The following TBC1D1 variants were observed in gnomAD, a reference collection of about 807,000 sequenced individuals.
TBC1D1 encodes the protein TBC1 (tre-2/USP6, BUB2, cdc16) domain family, member 1.
In TBC1D1, 89 loss-of-function variants were observed where a neutral mutation model predicts 125.6. That is an observed-to-expected ratio of 0.71 (90% CI 0.60 to 0.85). The LOEUF is 0.85. Ranked by LOEUF, TBC1D1 falls within the 40% of genes least tolerant of loss-of-function variation. The pLI, the probability that TBC1D1 is intolerant of heterozygous loss-of-function variation, is 0.00. For missense variants in TBC1D1, 1,377 were observed against 1,469.2 expected (o/e 0.94, Z 1.03); for synonymous variants, 565 against 564.1 (o/e 1.00, Z -0.02).
chr4:37,927,347 T>G (rs909035633), intron 2 of TBC1D1, among the ~76,000 whole-genome samples: 8 of 152,216 alleles, frequency 5.3e-5, no homozygotes, highest in African/African-American at 1.9e-4. Context: ...GATTTTACAA[T>G]TCTATTTTTT....
intron 15 of TBC1D1, among the ~76,000 whole-genome samples, chr4:38,104,841 C>G (rs60552409): frequency 6.6e-6 from 1 of 151,726 alleles, no homozygotes; most frequent in Non-Finnish European, 1.5e-5. Flanking sequence ...CTGCAAGCTC[C>G]GTCTCCTGGG....
At chr4:37,922,321 G>A (rs1721179430) in intron 2 of TBC1D1, among the ~76,000 whole-genome samples, 1 of 152,094 alleles carries the variant, frequency 6.6e-6, no homozygotes. Flanking sequence ...ACTGAGGCTC[G>A]GGCTTATGTC....
At chr4:38,093,696 T>TTATTAG (rs1553935821) in intron 13 of TBC1D1, among the ~76,000 whole-genome samples, 11 of 151,730 alleles carry the variant, frequency 7.2e-5, no homozygotes, top group African/African-American at 2.7e-4. Context: ...ATTTTTATTA[T>TTATTAG]TAGTAGTAGT....
chr4:38,067,509 T>C (rs769148776), intron 12 of TBC1D1, among the ~76,000 whole-genome samples: 3 of 152,154 alleles, frequency 2.0e-5, no homozygotes, highest in Non-Finnish European at 4.4e-5. Context: ...CAAGGCAGTA[T>C]GGGAGGGTTG....
intron 15 of TBC1D1, among the ~76,000 whole-genome samples, chr4:38,112,490 C>T (rs1323817291): frequency 6.6e-6 from 1 of 152,160 alleles, no homozygotes; most frequent in African/African-American, 2.4e-5. Context: ...CCATTCATAG[C>T]AACCATTTGC....
intron 12 of TBC1D1, among the ~76,000 whole-genome samples, chr4:38,077,810 C>T (rs1358595494): frequency 1.3e-5 from 2 of 152,104 alleles, no homozygotes; most frequent in African/African-American, 2.4e-5. Context: ...GCTGGCATTG[C>T]ACTCCATGAT....
At chr4:37,903,814 G>A (rs953392886) in intron 2 of TBC1D1, among the ~76,000 whole-genome samples, 1 of 152,152 alleles carries the variant, frequency 6.6e-6, no homozygotes, top group South Asian at 2.1e-4. Context: ...GGTGATCTAT[G>A]TATAGGACAT....
intron 8 of TBC1D1, among the ~76,000 whole-genome samples, chr4:38,038,901 G>A (rs1421879122): frequency 3.3e-5 from 5 of 149,898 alleles, no homozygotes; most frequent in African/African-American, 4.9e-5. Context: ...AGCCGAGGTC[G>A]CACCACTGCA....
chr4:37,899,868 C>T (rs1326636270), intron 1 of TBC1D1, among the ~76,000 whole-genome samples: 3 of 151,628 alleles, frequency 2.0e-5, no homozygotes, highest in Admixed American at 6.6e-5. Context: ...AGCCTGTAAT[C>T]CCAGCACTTT....
chr4:38,015,321 T>A (rs906046800), intron 3 of TBC1D1, among the ~76,000 whole-genome samples: 1 of 152,224 alleles, frequency 6.6e-6, no homozygotes, highest in South Asian at 2.1e-4. Flanking sequence ...AATCTTTTAG[T>A]TGGAAAACAC....
intron 2 of TBC1D1, among the ~76,000 whole-genome samples, chr4:38,004,202 C>G (rs1739620969): frequency 6.6e-6 from 1 of 152,154 alleles, no homozygotes; most frequent in Admixed American, 6.5e-5. Context: ...TAGTTGTGAC[C>G]AGCAACGAGA....
At chr4:38,018,204 G>A (rs1248508308) in intron 3 of TBC1D1, 150 bp from the exon 4 acceptor site, 1 of 628,336 alleles carries the variant, frequency 1.6e-6, no homozygotes, top group Admixed American at 3.3e-5. Context: ...CTTATGACCT[G>A]AAATCCAGAG....
At chr4:37,895,130 G>A (rs189397180) in intron 1 of TBC1D1, among the ~76,000 whole-genome samples, 4 of 152,294 alleles carry the variant, frequency 2.6e-5, no homozygotes, top group Non-Finnish European at 1.5e-5. Context: ...ACTTCTTATA[G>A]TATGGCCTTG....
intron 12 of TBC1D1, among the ~76,000 whole-genome samples, chr4:38,080,680 G>C (rs73241087): frequency 0.18 from 26,718 of 146,178 alleles, 2,656 homozygotes; most frequent in East Asian, 0.48. Flanking sequence ...TCCTCACCCC[G>C]ACGAACGTCT....
At chr4:37,897,202 A>G (rs2152212540) in intron 1 of TBC1D1, among the ~76,000 whole-genome samples, 1 of 152,330 alleles carries the variant, frequency 6.6e-6, no homozygotes, top group Non-Finnish European at 1.5e-5. Flanking sequence ...GTTTGTTAGT[A>G]TTAAACTGGT....
chr4:37,960,455 T>C, intron 2 of TBC1D1: 1 of 1,613,766 alleles, frequency 6.2e-7, no homozygotes, highest in Non-Finnish European at 8.5e-7. Context: ...TGATCTACGT[T>C]GATAAGGAAA....
rs938262081 is a variant in TBC1D1, at chr4:38,093,527, C to G, written c.2237-2402C>G. On this transcript the variant is annotated intron_variant, in intron 13 of 19. Transcript: ENST00000261439. The stretch of plus-strand genomic sequence containing the variant: ...CCTCTGCAAGGCCGTTTTCCCCCCC[C>G]TTTTTTTTTTTTTTGAGACAGAGTT... 1.3e-3 allele frequency among the ~76,000 whole-genome samples: 182 copies of G among 144,486 alleles called. 1 individual carries two copies. Among genetic ancestry groups the G allele is most frequent in the African/African-American group, 4.4e-3 (174 of 39,540 alleles). 94.8% of individuals were successfully genotyped at this position (144,486 alleles called of 152,430 possible).
chr4:38,135,874 G>C, intron 19 of TBC1D1, among the ~76,000 whole-genome samples: 1 of 45,260 alleles, frequency 2.2e-5, no homozygotes, highest in African/African-American at 5.9e-5. Context: ...GTATATATAT[G>C]TGTGTGTGTG....
chr4:38,119,872 G>A, intron 17 of TBC1D1: 2 of 806,776 alleles, frequency 2.5e-6, no homozygotes, highest in Non-Finnish European at 3.0e-6. Flanking sequence ...CTGGAGGGCT[G>A]AGGGGTCATC....
Sources: gnomAD v4.1 joint callset for allele counts (sites outside exome capture counted in the v4.1 genomes callset) on GRCh38, gnomAD v4.1.1 for gene constraint, MANE v1.5 for transcripts, NCBI Gene and HGNC (gene_info 2026-07-23, HGNC 2026-07-21) for gene names.